C10orf67: variants seen among roughly 807,000 people sequenced by gnomAD.
C10orf67 encodes the protein chromosome 10 open reading frame 67.
Under a neutral mutation model 35.6 loss-of-function variants are expected in C10orf67, and 60 were observed. The ratio of observed to expected loss-of-function variants is 1.68; its 90% CI spans 1.37 to 2.09. The LOEUF (loss-of-function observed/expected upper bound fraction) is 2.09, where lower values mean the gene tolerates loss of function less well. Ranked by LOEUF, C10orf67 falls within the 30% of genes most tolerant of loss-of-function variation. The probability of loss-of-function intolerance (pLI) is 0.00; values close to 1 mark genes in which losing one functional copy is unlikely to be tolerated. For synonymous variants in C10orf67, 167 were observed against 115.8 expected (o/e 1.44, Z -2.84); for missense variants, 474 against 330.2 (o/e 1.44, Z -3.38).
At chr10:23,294,486 G>T (rs901849781) in intron 5 of C10orf67, among the ~76,000 whole-genome samples, 3 of 152,082 alleles carry the variant, frequency 2.0e-5, no homozygotes, top group African/African-American at 7.2e-5. Context: ...GGACAGCATG[G>T]AAACCTGATG....
At chr10:23,229,886 T>C (rs943590776) in intron 13 of C10orf67, among the ~76,000 whole-genome samples, 1 of 152,118 alleles carries the variant, frequency 6.6e-6, no homozygotes, top group African/African-American at 2.4e-5. Flanking sequence ...GTGATCAAGA[T>C]GCCAATTGTG....
chr10:23,300,337 C>T (rs1844029283), intron 5 of C10orf67, among the ~76,000 whole-genome samples: 1 of 152,148 alleles, frequency 6.6e-6, no homozygotes, highest in Admixed American at 6.5e-5. Flanking sequence ...CCAGAGCCTC[C>T]AAAGTCCGCT....
intron 15 of C10orf67, among the ~76,000 whole-genome samples, chr10:23,217,194 C>T (rs750482040): frequency 6.6e-6 from 1 of 151,962 alleles, no homozygotes; most frequent in Non-Finnish European, 1.5e-5. Flanking sequence ...TTGAACAAGC[C>T]AGGAATGTGA....
chr10:23,343,867 CG>C (rs1213010686), intron 1 of C10orf67: 1 of 460,802 alleles, frequency 2.2e-6, no homozygotes, highest in African/African-American at 2.0e-5. Context: ...GCGAGGGCTC[CG>C]GGGCGGGCCG....
intron 7 of C10orf67, among the ~76,000 whole-genome samples, chr10:23,285,660 G>A (rs951409994): frequency 3.3e-5 from 5 of 151,958 alleles, no homozygotes; most frequent in Non-Finnish European, 7.4e-5. Flanking sequence ...GGGGAGCTAC[G>A]TTTTCATTGG....
intron 2 of C10orf67, among the ~76,000 whole-genome samples, chr10:23,329,389 A>G (rs1241099745): frequency 6.6e-6 from 1 of 152,200 alleles, no homozygotes; most frequent in Non-Finnish European, 1.5e-5. Flanking sequence ...ATTTAAGAAA[A>G]TGGGAATACA....
chr10:23,244,925 AG>A (rs1842281289), intron 12 of C10orf67, among the ~76,000 whole-genome samples: 3 of 152,226 alleles, frequency 2.0e-5, no homozygotes, highest in Non-Finnish European at 4.4e-5. Flanking sequence ...ACAAAGCTGG[AG>A]GCAGCTCACT....
chr10:23,274,113 C>T (rs188875371), intron 8 of C10orf67, among the ~76,000 whole-genome samples: 13 of 152,024 alleles, frequency 8.6e-5, no homozygotes, highest in African/African-American at 2.2e-4. Flanking sequence ...AGGCAGTGTA[C>T]GAATAGGGAG....
chr10:23,309,017 T>G (rs995059142), intron 4 of C10orf67, among the ~76,000 whole-genome samples: 10 of 152,150 alleles, frequency 6.6e-5, no homozygotes, highest in Admixed American at 3.9e-4. Flanking sequence ...TTTGCTTACT[T>G]TCTAACTAAT....
intron 3 of C10orf67, among the ~76,000 whole-genome samples, chr10:23,321,277 G>T (rs559554030): frequency 6.6e-6 from 1 of 152,224 alleles, no homozygotes; most frequent in African/African-American, 2.4e-5. Context: ...CAATAGAAGA[G>T]AGTGCATTAA....
intron 8 of C10orf67, among the ~76,000 whole-genome samples, chr10:23,280,991 G>A (rs1287211199): frequency 6.6e-6 from 1 of 152,110 alleles, no homozygotes; most frequent in Non-Finnish European, 1.5e-5. Flanking sequence ...GGGGGTGGGG[G>A]TAGAAGAAAT....
chr10:23,236,951 G>C (rs1284877872), intron 13 of C10orf67, among the ~76,000 whole-genome samples: 4 of 152,118 alleles, frequency 2.6e-5, no homozygotes, highest in Admixed American at 2.6e-4. Context: ...GGTAAATTGT[G>C]TATCATGGGG....
At chr10:23,229,793 T>C (rs527363017) in intron 13 of C10orf67, among the ~76,000 whole-genome samples, 1 of 152,238 alleles carries the variant, frequency 6.6e-6, no homozygotes, top group Non-Finnish European at 1.5e-5. Context: ...AAAGGTACTT[T>C]CAAGACTTCT....
intron 2 of C10orf67, among the ~76,000 whole-genome samples, chr10:23,324,384 T>G (rs1436052454): frequency 3.3e-5 from 5 of 152,094 alleles, no homozygotes; most frequent in Non-Finnish European, 7.4e-5. Flanking sequence ...GGTCCTTTGT[T>G]CTTCCAGATA....
Position 23,207,870 on chromosome 10 carries a change from A to G in C10orf67, c.1571-3615T>C, listed in dbSNP as rs549099313. Among the ~76,000 whole-genome samples, 5 of 152,310 alleles carry G rather than the reference A, an allele frequency of 3.3e-5. No homozygotes were observed. The South Asian group carries it at 8.3e-4, about 25-fold the overall frequency. ...TGAAACGGCACCAAATAGCTTTGGT[A>G]TGTGTACAACAAAAACCCACCTCTG... On this transcript the variant is annotated intron_variant, in intron 15 of 15. Transcript: ENST00000636213.
rs71493317 is a variant in C10orf67 at position 23,309,338 on chromosome 10, C to T, written c.547-5879G>A. 9.0e-3 allele frequency among the ~76,000 whole-genome samples: 1,362 copies of T among 152,166 alleles called. 8 individuals carry two copies. The highest frequency in any genetic ancestry group is 0.015 in the Non-Finnish European group (1,051 of 68,010). ...TCACTTCTAAGTGGGAGCTAAACAA[C>T]GGGTACACATGAACATAAGGACGAA... is the stretch of plus-strand genomic sequence containing the variant. On this transcript the variant is annotated intron_variant, in intron 4 of 15. Transcript: ENST00000636213.
intron 13 of C10orf67, among the ~76,000 whole-genome samples, chr10:23,224,895 G>C (rs915540943): frequency 1.3e-5 from 2 of 152,190 alleles, no homozygotes; most frequent in African/African-American, 2.4e-5. Flanking sequence ...ATGTCTGATT[G>C]GTGTACCTGA....
chr10:23,213,040 A>C (rs1416951152), intron 15 of C10orf67, among the ~76,000 whole-genome samples: 1 of 152,222 alleles, frequency 6.6e-6, no homozygotes, highest in Non-Finnish European at 1.5e-5. Flanking sequence ...ATGATACAAG[A>C]TAACCCAGAG....
At chr10:23,223,853 G>A in intron 13 of C10orf67, 35 bp from the exon 14 acceptor site, 1 of 711,482 alleles carries the variant, frequency 1.4e-6, no homozygotes, top group Non-Finnish European at 2.6e-6. Flanking sequence ...TGTGTTATCA[G>A]GAGGAAATAA....
Sources: gnomAD v4.1 joint callset for allele counts (sites outside exome capture counted in the v4.1 genomes callset) on GRCh38, gnomAD v4.1.1 for gene constraint, MANE v1.5 for transcripts, NCBI Gene and HGNC (gene_info 2026-07-23, HGNC 2026-07-21) for gene names.